The following QTMAN variants were observed in gnomAD, a reference collection of about 807,000 sequenced individuals.
The protein encoded by QTMAN is tRNA-queuosine alpha-mannosyltransferase.
At chr2:144,181,879 T>G in the QTMAN span, among the ~76,000 whole-genome samples, 77 of 152,266 alleles carry the variant, frequency 5.1e-4, no homozygotes, top group Non-Finnish European at 8.5e-4. Flanking sequence ...TTATTTAAAA[T>G]GCAACATTCT....
chr2:144,101,711 A>G, the QTMAN span, among the ~76,000 whole-genome samples: 2 of 151,966 alleles, frequency 1.3e-5, no homozygotes, highest in African/African-American at 2.4e-5. Context: ...AATATCAATA[A>G]ATGTTATATA....
At chr2:144,091,163 T>TA in the QTMAN span, among the ~76,000 whole-genome samples, 25 of 148,858 alleles carry the variant, frequency 1.7e-4, no homozygotes, top group Admixed American at 2.7e-4. Context: ...ATCTATATGT[T>TA]AAAAAAAAAA....
At chr2:143,968,934 A>G in the QTMAN span, among the ~76,000 whole-genome samples, 1 of 152,170 alleles carries the variant, frequency 6.6e-6, no homozygotes, top group Non-Finnish European at 1.5e-5. Context: ...GCTTCCTAAA[A>G]TACAGGTTTC....
chr2:144,205,813 T>G, the QTMAN span, among the ~76,000 whole-genome samples: 1 of 152,202 alleles, frequency 6.6e-6, no homozygotes, highest in Admixed American at 6.6e-5. Flanking sequence ...AACGAATGAT[T>G]AACATTTCAT....
the QTMAN span, among the ~76,000 whole-genome samples, chr2:143,953,555 C>T: frequency 6.6e-6 from 1 of 151,724 alleles, no homozygotes; most frequent in Admixed American, 6.6e-5. Context: ...CCCCATTGAC[C>T]CACCTATGGG....
the QTMAN span, among the ~76,000 whole-genome samples, chr2:144,320,788 A>C: frequency 6.6e-6 from 1 of 152,174 alleles, no homozygotes; most frequent in South Asian, 2.1e-4. Flanking sequence ...CTGCTCTAAC[A>C]GCCATCCTGC....
chr2:144,150,189 G>A, the QTMAN span, among the ~76,000 whole-genome samples: 1 of 152,000 alleles, frequency 6.6e-6, no homozygotes, highest in Admixed American at 6.6e-5. Flanking sequence ...TTCTTGCATG[G>A]CTTCAGGAGG....
the QTMAN span, among the ~76,000 whole-genome samples, chr2:144,114,600 C>T: frequency 6.6e-6 from 1 of 152,076 alleles, no homozygotes; most frequent in African/African-American, 2.4e-5. Flanking sequence ...TTTACAAGAC[C>T]TTAACTCTCA....
chr2:144,274,059 G>A, the QTMAN span, among the ~76,000 whole-genome samples: 12 of 152,242 alleles, frequency 7.9e-5, no homozygotes, highest in East Asian at 7.8e-4. Context: ...GCTTGAACCC[G>A]GGAGGCAGAG....
the QTMAN span, among the ~76,000 whole-genome samples, chr2:144,060,568 C>T: frequency 6.6e-6 from 1 of 152,280 alleles, no homozygotes; most frequent in South Asian, 2.1e-4. Context: ...GCCCAAGCAT[C>T]TTAATCTTAA....
At chr2:144,318,154 A>T in the QTMAN span, among the ~76,000 whole-genome samples, 1 of 151,486 alleles carries the variant, frequency 6.6e-6, no homozygotes. Flanking sequence ...AATTTACCTT[A>T]TCTATAAGGT....
At chr2:144,056,429 G>A in the QTMAN span, among the ~76,000 whole-genome samples, 4 of 152,268 alleles carry the variant, frequency 2.6e-5, no homozygotes, top group East Asian at 5.8e-4. Flanking sequence ...TCAGGGTCAC[G>A]AGCCCCTCTC....
the QTMAN span, chr2:144,145,623 T>C: frequency 3.1e-6 from 5 of 1,609,890 alleles, no homozygotes; most frequent in Non-Finnish European, 3.4e-6. Context: ...CTGACATTTC[T>C]TGACAGGATA....
chr2:144,322,494 C>G, the QTMAN span, among the ~76,000 whole-genome samples: 22 of 152,058 alleles, frequency 1.4e-4, no homozygotes, highest in East Asian at 4.2e-3. Context: ...GTTATAAAAG[C>G]TTTGCAAATT....
At chr2:144,170,223 T>C in the QTMAN span, among the ~76,000 whole-genome samples, 2 of 152,196 alleles carry the variant, frequency 1.3e-5, no homozygotes, top group Non-Finnish European at 1.5e-5. Flanking sequence ...GCTTTATTAA[T>C]AATTCTAAAC....
At chr2:144,117,984 T>C in the QTMAN span, among the ~76,000 whole-genome samples, 1 of 152,114 alleles carries the variant, frequency 6.6e-6, no homozygotes, top group Admixed American at 6.5e-5. Flanking sequence ...TAGCTGGGAC[T>C]ACAGGTGCCC....
the QTMAN span, among the ~76,000 whole-genome samples, chr2:144,106,886 C>T: frequency 2.0e-5 from 3 of 152,140 alleles, no homozygotes; most frequent in African/African-American, 4.8e-5. Context: ...TGTAAAAGAA[C>T]AGAAATTATA....
chr2:144,323,237 G>A, the QTMAN span, among the ~76,000 whole-genome samples: 3 of 152,064 alleles, frequency 2.0e-5, no homozygotes, highest in Non-Finnish European at 4.4e-5. Flanking sequence ...CCTCTAGACA[G>A]GCAATGTACT....
chr2:144,287,534 T>C, the QTMAN span, among the ~76,000 whole-genome samples: 2 of 152,200 alleles, frequency 1.3e-5, no homozygotes, highest in African/African-American at 2.4e-5. Flanking sequence ...ATAGAAATTA[T>C]ATAAAGATTA....
Sources: gnomAD v4.1 joint callset for allele counts (sites outside exome capture counted in the v4.1 genomes callset) on GRCh38, gnomAD v4.1.1 for gene constraint, MANE v1.5 for transcripts, NCBI Gene and HGNC (gene_info 2026-07-23, HGNC 2026-07-21) for gene names.